Variants in ELF4 observed in about 807,000 individuals in gnomAD.
ELF4 encodes the protein ETS-related transcription factor Elf-4.
ELF4 carries 10 observed loss-of-function variants against 31.7 expected under a neutral mutation model. The ratio of observed to expected loss-of-function variants is 0.32; its 90% CI spans 0.19 to 0.54. The LOEUF is 0.54. Among genes scored for constraint, ELF4 ranks in the 20% least tolerant of loss-of-function variants. ELF4 has a pLI of 0.95. For synonymous variants in ELF4, 208 were observed against 226.7 expected, an observed-to-expected ratio of 0.92 and a Z score of 0.74; for missense variants, 418 against 522.0, an observed-to-expected ratio of 0.80 and a Z score of 1.94.
chrX:130,111,689 A>G (rs1268887850), upstream of ELF4, among the ~76,000 whole-genome samples: 15 of 111,746 alleles, frequency 1.3e-4, no homozygotes, highest in Non-Finnish European at 2.5e-4. Flanking sequence ...AAAGAGAGCC[A>G]GAGTTCGGGT....
Position 130,067,955 on chromosome X carries a change from G to A in ELF4, c.1188-430C>T, listed in dbSNP as rs762993505. Among the ~76,000 whole-genome samples, 4 of 111,714 alleles carry A rather than the reference G, an allele frequency of 3.6e-5. No homozygotes were observed. The East Asian group carries it at 1.1e-3, about 31-fold the overall frequency. ...AGCCTCCCAAGTAGCTGGGATTATA[G>A]GCGAGCACCACTACACCCGGCTAAT... On this transcript the variant is annotated intron_variant, in intron 8 of 8. Transcript: ENST00000308167.
At chrX:130,072,172 C>CCCCCCCCCCCCCA in intron 5 of ELF4, 54 bp downstream of exon 5, 14 of 1,150,115 alleles carry the variant, frequency 1.2e-5, no homozygotes, top group Non-Finnish European at 1.5e-5. Flanking sequence ...ACCGCCCCCC[C>CCCCCCCCCCCCCA]ACGCCCCGCC....
intron 1 of ELF4, among the ~76,000 whole-genome samples, chrX:130,092,963 G>T (rs979087243): frequency 9.1e-6 from 1 of 109,847 alleles, no homozygotes; most frequent in East Asian, 2.8e-4. Flanking sequence ...ATCCAAAAAG[G>T]TGGCCCTCCC....
At chrX:130,100,140 G>A (rs780380829) in intron 1 of ELF4, among the ~76,000 whole-genome samples, 37 of 111,665 alleles carry the variant, frequency 3.3e-4, no homozygotes, top group African/African-American at 1.1e-3. Context: ...GTTCTGTTAG[G>A]AAGCTATATG....
chrX:130,108,035 C>T (rs1933405423), intron 1 of ELF4, among the ~76,000 whole-genome samples: 1 of 111,685 alleles, frequency 9.0e-6, no homozygotes, highest in South Asian at 3.7e-4. Context: ...ACGGAGAAAC[C>T]CCGTCTCTAC....
At chrX:130,067,656 T>C (rs890306527) in intron 8 of ELF4, 131 bp from the exon 9 acceptor site, 16 of 715,480 alleles carry the variant, frequency 2.2e-5, no homozygotes, top group Non-Finnish European at 3.4e-5. Context: ...TTTTTCTTTT[T>C]CTAGAGACAG....
chrX:130,081,046 C>T (rs1013827324), intron 2 of ELF4, among the ~76,000 whole-genome samples: 32 of 112,855 alleles, frequency 2.8e-4, no homozygotes, highest in Non-Finnish European at 3.9e-4. Context: ...AATGACTGCC[C>T]GGTGACTCCA....
chrX:130,109,600 G>A (rs931448906), intron 1 of ELF4, among the ~76,000 whole-genome samples: 1 of 111,821 alleles, frequency 8.9e-6, no homozygotes, highest in Non-Finnish European at 1.9e-5. Context: ...GCAGGCATAC[G>A]GTGGTGAGAA....
At chrX:130,108,345 C>T (rs368055944) in intron 1 of ELF4, among the ~76,000 whole-genome samples, 8 of 110,576 alleles carry the variant, frequency 7.2e-5, no homozygotes, top group African/African-American at 2.6e-4. Context: ...ACACTCTAAA[C>T]GCAAAAACAA....
At chrX:130,108,730 G>A (rs1483043944) in intron 1 of ELF4, among the ~76,000 whole-genome samples, 1 of 110,444 alleles carries the variant, frequency 9.1e-6, no homozygotes, top group Non-Finnish European at 1.9e-5. Flanking sequence ...AGGAATGCCA[G>A]ACATAGTTGC....
At position 130,094,569 on chromosome X, in the gene ELF4, A is replaced by C. The variant is rs746122683; in HGVS notation, c.-209-13030T>G. ...GTGACAGAGGAGACTCCATCTCAAA[A>C]AAAAAAAAAGAGAGAGAGAGAGAGC... On this transcript the variant is annotated intron_variant, in intron 1 of 8. Transcript: ENST00000308167. Among the ~76,000 whole-genome samples the C allele has an allele frequency of 5.5e-5, 6 of 108,510 alleles. 1 individual carries two copies. In the South Asian group the frequency reaches 2.4e-3, roughly 44 times the overall value. The allele number at this position is 108,510 out of a possible 115,157, so 94.2% of individuals were successfully genotyped here.
rs1358811281 is a variant in ELF4, at chrX:130,094,972, C to G, written c.-209-13433G>C. Among the ~76,000 whole-genome samples the G allele has an allele frequency of 8.1e-5, 9 of 111,135 alleles. 1 individual carries two copies. The highest frequency in any genetic ancestry group is 2.9e-4 in the African/African-American group (9 of 30,521). On this transcript the variant is annotated intron_variant, in intron 1 of 8. Coordinates refer to ENST00000308167, the MANE Select transcript of ELF4 (RefSeq NM_001421.4). ...GCAGTGACCTGAGCTGCTGGTGGGC[C>G]GAGGGTGGTGGGTGTGGCCACTGTG...
intron 1 of ELF4, among the ~76,000 whole-genome samples, chrX:130,086,847 G>A (rs944698572): frequency 5.3e-5 from 6 of 112,448 alleles, no homozygotes; most frequent in Non-Finnish European, 1.1e-4. Flanking sequence ...AATACACAGG[G>A]TGGGGCTGGA....
intron 1 of ELF4, among the ~76,000 whole-genome samples, chrX:130,098,481 T>TGAG (rs1603209417): frequency 2.7e-5 from 3 of 111,635 alleles, no homozygotes; most frequent in African/African-American, 9.7e-5. Context: ...TGGGGCTGAA[T>TGAG]GAGGGGCTGC....
Position 130,071,199 on chromosome X carries a change from G to C in ELF4, c.650C>G (p.Ala217Gly), listed in dbSNP as rs1437119326. The C allele has an allele frequency of 8.3e-7, 1 of 1,211,712 alleles. No individual in the cohort carries two copies. Among genetic ancestry groups the C allele is most frequent in the East Asian group, 3.0e-5 (1 of 33,855 alleles). ...STIYLWEFLL[A>G]LLQDRNTCPK... ...ACAGGTGTTTCTGTCTTGCAGAAGA[G>C]CCAGGAGGAACTCCCACAGATAGAT... The change falls in exon 7 of 9, where the codon GCT becomes GGT. Residue 217 changes from alanine to glycine, a missense_variant. This residue lies in a region of ELF4 where 35 missense variants were observed against 84.0 expected (regional missense o/e 0.42). Coordinates refer to ENST00000308167, the MANE Select transcript of ELF4 (RefSeq NM_001421.4).
chrX:130,095,522 C>T, intron 1 of ELF4, among the ~76,000 whole-genome samples: 1 of 111,726 alleles, frequency 9.0e-6, no homozygotes. Flanking sequence ...CAGCTCTCCA[C>T]TTCGAAGCCT....
intron 1 of ELF4, among the ~76,000 whole-genome samples, chrX:130,097,625 T>G (rs1056742106): frequency 3.6e-5 from 4 of 112,109 alleles, no homozygotes; most frequent in African/African-American, 9.7e-5. Context: ...ATTCAAATTC[T>G]CTATGACAAT....
rs372634030 is a variant in ELF4, at chrX:130,074,660, G to A, written c.168C>T (p.Asp56=). 16 of 1,209,645 alleles carry A rather than the reference G, an allele frequency of 1.3e-5. No individual in the cohort carries two copies. The Admixed American group carries it at 2.6e-4, about 20-fold the overall frequency. ...LHLYSGLELD[D]VHNGIITDGT... ...CGTCTGTTATGATGCCATTGTGAAC[G>A]TCGTCCAACTCCAGTCCCGAGTACA... is the stretch of plus-strand genomic sequence containing the variant. Residue 56 remains aspartate (D), a synonymous_variant, in exon 3 of 9, where the codon GAC becomes GAT. Transcript: ENST00000308167.
rs994099271 is a variant in ELF4 at position 130,064,043 on chromosome X, G to A, written c.*2678C>T. On this transcript the variant is annotated 3_prime_UTR_variant, in exon 9 of 9. Transcript: ENST00000308167. ...AAGTTCTGGGATACATGTGCAGAAC[G>A]TGCAGGTTTGTTACATAGGTATACA... 9.3e-5 allele frequency among the ~76,000 whole-genome samples: 10 copies of A among 107,204 alleles called. No individual in the cohort carries two copies. The highest frequency in any genetic ancestry group is 5.8e-5 in the Non-Finnish European group (3 of 52,085). The allele number at this position is 107,204 out of a possible 115,157, so 93.1% of individuals were successfully genotyped here.
Sources: gnomAD v4.1 joint callset for allele counts (sites outside exome capture counted in the v4.1 genomes callset) on GRCh38, gnomAD v4.1.1 for gene constraint, gnomAD v4.1.1 regional missense constraint, MANE v1.5 for transcripts, NCBI Gene and HGNC (gene_info 2026-07-23, HGNC 2026-07-21) for gene names.